Variants in ACVR2A observed in about 807,000 individuals in gnomAD.
The protein encoded by ACVR2A is activin A receptor type 2A.
In ACVR2A, 7 loss-of-function variants were observed where a neutral mutation model predicts 61.4. The ratio of observed to expected loss-of-function variants is 0.11; its 90% CI spans 0.06 to 0.21. The LOEUF (loss-of-function observed/expected upper bound fraction) is 0.21, where lower values mean the gene tolerates loss of function less well. ACVR2A is among the 10% of genes least tolerant of loss of function. The pLI is 1.00. For synonymous variants in ACVR2A, 193 were observed against 208.3 expected (o/e 0.93, Z 0.63); for missense variants, 322 against 621.7 (o/e 0.52, Z 5.13).
intron 1 of ACVR2A, among the ~76,000 whole-genome samples, chr2:147,859,768 G>A (rs992857903): frequency 6.6e-6 from 1 of 152,054 alleles, no homozygotes; most frequent in African/African-American, 2.4e-5. Flanking sequence ...GCTACAGTAC[G>A]TTTTTGGTAC....
chr2:147,889,619 C>T (rs778652838), intron 1 of ACVR2A, among the ~76,000 whole-genome samples: 1 of 151,828 alleles, frequency 6.6e-6, no homozygotes, highest in Non-Finnish European at 1.5e-5. Flanking sequence ...TGGTGGCTGC[C>T]GCCTGTAGTC....
At position 147,858,934 on chromosome 2, in the gene ACVR2A, A is replaced by T. The variant is rs141255270; in HGVS notation, c.55+13727A>T. Among the ~76,000 whole-genome samples the T allele has an allele frequency of 3.4e-3, 524 of 152,152 alleles. 14 individuals carry two copies. The highest frequency in any genetic ancestry group is 0.032 in the Admixed American group (486 of 15,274). On this transcript the variant is annotated intron_variant, in intron 1 of 10. Coordinates refer to ENST00000241416, the MANE Select transcript of ACVR2A (RefSeq NM_001616.5). ...TTTAAAAATGTAAAAACCATTGTTCAGGGGCTATATACAGACTGGATTTTG... is the reference window on the plus strand; with the variant it reads ...TTTAAAAATGTAAAAACCATTGTTCTGGGGCTATATACAGACTGGATTTTG...
At chr2:147,902,677 CAT>C (rs1158747127) in intron 4 of ACVR2A, among the ~76,000 whole-genome samples, 3 of 151,980 alleles carry the variant, frequency 2.0e-5, no homozygotes, top group East Asian at 3.9e-4. Flanking sequence ...GGTTTATAAA[CAT>C]GTGATTGGGC....
intron 1 of ACVR2A, among the ~76,000 whole-genome samples, chr2:147,855,155 C>G (rs765636164): frequency 1.3e-5 from 2 of 152,198 alleles, no homozygotes; most frequent in Non-Finnish European, 2.9e-5. Context: ...GCTGGGATTA[C>G]AGGTGTGAGC....
At chr2:147,925,866 TCA>T in intron 9 of ACVR2A, 163 bp from the exon 10 acceptor site, 2 of 614,292 alleles carry the variant, frequency 3.3e-6, no homozygotes, top group Non-Finnish European at 5.3e-6. Context: ...ATTAGTTTGG[TCA>T]CACTGTGGTA....
intron 1 of ACVR2A, among the ~76,000 whole-genome samples, chr2:147,895,348 A>G (rs1044308245): frequency 1.3e-5 from 2 of 152,152 alleles, no homozygotes; most frequent in Non-Finnish European, 2.9e-5. Flanking sequence ...ATATCTACTT[A>G]CAACACCATA....
chr2:147,918,566 T>C lies in ACVR2A; in HGVS notation c.936T>C (p.Asp312=), dbSNP rs757686102. The C allele has an allele frequency of 3.1e-6, 5 of 1,608,066 alleles. No homozygotes were observed. The highest frequency in any genetic ancestry group is 4.2e-6 in the Non-Finnish European group (5 of 1,177,402). The change falls in exon 7 of 11, where the codon GAT becomes GAC. Residue 312 remains aspartate, a synonymous_variant. Transcript: ENST00000241416. ...ATGAGGATATACCTGGCCTAAAAGA[T>C]GGCCACAAACCTGCCATATCTCACA... ...YLHEDIPGLK[D]GHKPAISHRD...
At chr2:147,860,103 A>G (rs993623839) in intron 1 of ACVR2A, among the ~76,000 whole-genome samples, 3 of 152,202 alleles carry the variant, frequency 2.0e-5, no homozygotes, top group Non-Finnish European at 4.4e-5. Flanking sequence ...AGGATGACGT[A>G]GTATGTAAGA....
chr2:147,875,552 T>C (rs1686133146), intron 1 of ACVR2A, among the ~76,000 whole-genome samples: 1 of 152,048 alleles, frequency 6.6e-6, no homozygotes, highest in African/African-American at 2.4e-5. Context: ...TTTGAGAGAA[T>C]TTCAGTGAGT....
chr2:147,911,135 C>G (rs1687100841), intron 4 of ACVR2A, among the ~76,000 whole-genome samples: 1 of 152,072 alleles, frequency 6.6e-6, no homozygotes, highest in African/African-American at 2.4e-5. Flanking sequence ...CAATACTGCC[C>G]TCTAGTGTCG....
At chr2:147,889,738 C>G (rs1296390154) in intron 1 of ACVR2A, among the ~76,000 whole-genome samples, 1 of 151,550 alleles carries the variant, frequency 6.6e-6, no homozygotes, top group Non-Finnish European at 1.5e-5. Flanking sequence ...CAGAGTGAGA[C>G]TCCGTCTCAA....
At chr2:147,918,315 A>G in intron 6 of ACVR2A, 132 bp from the exon 7 acceptor site, 1 of 704,360 alleles carries the variant, frequency 1.4e-6, no homozygotes, top group Non-Finnish European at 2.2e-6. Context: ...ACCATTCCAG[A>G]AAGATTGTTT....
rs1686345142 is a variant in ACVR2A, at chr2:147,882,990, A to G, written c.56-13311A>G. On this transcript the variant is annotated intron_variant, in intron 1 of 10. Coordinates refer to ENST00000241416, the MANE Select transcript of ACVR2A (RefSeq NM_001616.5). ...GAAAATTTATTCTCTTTCTTCATAT[A>G]TCTAACTTGTCTATCAAAAGTCTTT... Among the ~76,000 whole-genome samples, 10 of 152,268 alleles carry G rather than the reference A, an allele frequency of 6.6e-5. No homozygotes were observed. In the South Asian group the frequency reaches 2.1e-3, roughly 32 times the overall value.
intron 1 of ACVR2A, among the ~76,000 whole-genome samples, chr2:147,870,886 T>G (rs1685996609): frequency 6.6e-6 from 1 of 152,074 alleles, no homozygotes; most frequent in Non-Finnish European, 1.5e-5. Context: ...TTTCATATAC[T>G]GCTTCTATGA....
chr2:147,901,006 A>G (rs1686860432), intron 4 of ACVR2A, among the ~76,000 whole-genome samples: 1 of 152,066 alleles, frequency 6.6e-6, no homozygotes, highest in South Asian at 2.1e-4. Context: ...AAATAAACCC[A>G]AAGGTAAAAT....
intron 10 of ACVR2A, 70 bp downstream of exon 10, chr2:147,926,231 G>A (rs779396899): frequency 1.3e-4 from 197 of 1,535,698 alleles, no homozygotes; most frequent in Non-Finnish European, 1.7e-4. Flanking sequence ...ATTTATCTCT[G>A]CACATTTCTC....
chr2:147,877,379 A>G (rs892142303), intron 1 of ACVR2A: 1 of 152,208 alleles, frequency 6.6e-6, no homozygotes, highest in African/African-American at 2.4e-5. Flanking sequence ...CAAAAGTCAC[A>G]AAGTTTTTTT....
chr2:147,920,130 T>G (rs1687344904), intron 7 of ACVR2A, 100 bp from the exon 8 acceptor site: 3 of 738,400 alleles, frequency 4.1e-6, no homozygotes, highest in Non-Finnish European at 6.7e-6. Flanking sequence ...TAAGTAACTA[T>G]TTTTTCATAG....
At chr2:147,867,599 G>A (rs1203727582) in intron 1 of ACVR2A, among the ~76,000 whole-genome samples, 1 of 151,776 alleles carries the variant, frequency 6.6e-6, no homozygotes, top group African/African-American at 2.4e-5. Flanking sequence ...ACTAAACAAA[G>A]CAAACAAAAA....
Sources: allele counts gnomAD v4.1 joint callset (sites outside exome capture counted in the v4.1 genomes callset), GRCh38; gene constraint gnomAD v4.1.1; transcripts MANE v1.5; gene names NCBI Gene and HGNC (gene_info 2026-07-23, HGNC 2026-07-21).